The following CCSER1 variants were observed in gnomAD, a reference collection of about 807,000 sequenced individuals.
CCSER1 encodes the protein coiled-coil serine rich protein 1.
Under a neutral mutation model 82.0 loss-of-function variants are expected in CCSER1, and 41 were observed. That is an observed-to-expected ratio of 0.50 (90% CI 0.39 to 0.65). CCSER1 has a LOEUF of 0.65. Ranked by LOEUF, CCSER1 falls within the 30% of genes least tolerant of loss-of-function variation. CCSER1 has a pLI of 0.00. For missense variants in CCSER1, 1,119 were observed against 1,064.2 expected, an observed-to-expected ratio of 1.05 and a Z score of -0.72; for synonymous variants, 414 against 383.9, an observed-to-expected ratio of 1.08 and a Z score of -0.92.
At chr4:91,466,339 T>C (rs1479863206) in intron 10 of CCSER1, among the ~76,000 whole-genome samples, 1 of 152,164 alleles carries the variant, frequency 6.6e-6, no homozygotes, top group Non-Finnish European at 1.5e-5. Context: ...AATTAGGTAT[T>C]GATGGGACGT....
At chr4:90,974,169 T>G (rs1735382592) in intron 9 of CCSER1, among the ~76,000 whole-genome samples, 1 of 151,602 alleles carries the variant, frequency 6.6e-6, no homozygotes. Context: ...TTAACAATAC[T>G]GTATTGTATA....
chr4:91,107,429 G>A (rs943600420), intron 10 of CCSER1, among the ~76,000 whole-genome samples: 1 of 152,006 alleles, frequency 6.6e-6, no homozygotes, highest in Non-Finnish European at 1.5e-5. Context: ...TAATTTTTTT[G>A]TATTTTTAGT....
At position 91,317,281 on chromosome 4, in the gene CCSER1, T is replaced by C. The variant is rs142243776; in HGVS notation, c.2217+231287T>C. 2.3e-3 allele frequency among the ~76,000 whole-genome samples: 357 copies of C among 152,132 alleles called. 1 individual carries two copies. The highest frequency in any genetic ancestry group is 8.0e-3 in the African/African-American group (332 of 41,564). On this transcript the variant is annotated intron_variant, in intron 10 of 10. Transcript: ENST00000509176. ...CAGCAATACATTAGCCAGACTGGCC[T>C]GTTTGCTATTATTCCAACACATCCC...
chr4:90,235,282 A>C (rs534702918), intron 1 of CCSER1: 1 of 152,224 alleles, frequency 6.6e-6, no homozygotes, highest in African/African-American at 2.4e-5. Context: ...CATTACCTGT[A>C]GATCCTTTGC....
intron 1 of CCSER1, among the ~76,000 whole-genome samples, chr4:90,230,904 C>G (rs1394599777): frequency 1.3e-5 from 2 of 152,154 alleles, no homozygotes; most frequent in African/African-American, 4.8e-5. Flanking sequence ...CACATACACT[C>G]TCCCAAGACT....
intron 8 of CCSER1, among the ~76,000 whole-genome samples, chr4:90,883,719 G>C (rs763984038): frequency 6.6e-6 from 1 of 152,164 alleles, no homozygotes; most frequent in Non-Finnish European, 1.5e-5. Flanking sequence ...TTCTGTCACC[G>C]TGAGGTGCTT....
In CCSER1 at chr4:91,186,028, G is replaced by A. The variant is rs146934964; in HGVS notation, c.2217+100034G>A. On this transcript the variant is annotated intron_variant, in intron 10 of 10. Transcript: ENST00000509176. ...GGGGGGTGTATTCTAACATGGAACT[G>A]CCAAGCCTCTAAATCACCCTCTCGT... Among the ~76,000 whole-genome samples the A allele has an allele frequency of 2.1e-3, 321 of 152,238 alleles. 3 individuals are homozygous for A. The highest frequency in any genetic ancestry group is 7.5e-3 in the African/African-American group (312 of 41,532).
chr4:91,068,618 A>G (rs1194684084), intron 9 of CCSER1, among the ~76,000 whole-genome samples: 1 of 152,200 alleles, frequency 6.6e-6, no homozygotes, highest in Admixed American at 6.5e-5. Flanking sequence ...ATATGGATAT[A>G]CTGAAAGCAA....
intron 7 of CCSER1, among the ~76,000 whole-genome samples, chr4:90,749,921 G>C (rs1461599605): frequency 8.6e-5 from 13 of 151,844 alleles, no homozygotes; most frequent in Non-Finnish European, 1.5e-4. Flanking sequence ...GTGTAAAAGT[G>C]TTCCTATTTC....
At chr4:90,174,518 T>C (rs1005339742) in intron 1 of CCSER1, among the ~76,000 whole-genome samples, 6 of 151,968 alleles carry the variant, frequency 3.9e-5, no homozygotes, top group Non-Finnish European at 7.4e-5. Flanking sequence ...TATGTCTCAA[T>C]GCACAGATGG....
At chr4:90,570,167 A>C (rs1242687632) in intron 5 of CCSER1, among the ~76,000 whole-genome samples, 1 of 152,176 alleles carries the variant, frequency 6.6e-6, no homozygotes, top group Non-Finnish European at 1.5e-5. Context: ...GGAGCTGGGC[A>C]TCCCTCCCTT....
chr4:91,390,505 T>C (rs1313213818), intron 10 of CCSER1, among the ~76,000 whole-genome samples: 1 of 151,972 alleles, frequency 6.6e-6, no homozygotes, highest in Admixed American at 6.6e-5. Flanking sequence ...TTTAGTTTTT[T>C]CAATGCATTT....
At chr4:91,140,600 C>G (rs904795332) in intron 10 of CCSER1, among the ~76,000 whole-genome samples, 2 of 151,946 alleles carry the variant, frequency 1.3e-5, no homozygotes, top group African/African-American at 2.4e-5. Context: ...GAAATTTCTT[C>G]CATACAACCT....
Position 90,309,570 on chromosome 4 carries a change from A to T in CCSER1, c.1286A>T (p.Asn429Ile), listed in dbSNP as rs949338116. Residue 429 changes from asparagine (N) to isoleucine (I), a missense_variant, in exon 2 of 11, where the codon AAC becomes ATC. Physicochemically the swap from Asn to Ile is moderately radical, Grantham distance 149 (BLOSUM62 -3). Transcript: ENST00000509176. ...IPTSGDHHIFNKTSHGYEANP... is the reference protein window; with the variant it reads ...IPTSGDHHIFIKTSHGYEANP... Reference sequence around the variant, plus strand: ...ACTTCTGGTGATCATCATATTTTTAACAAAACATCACATGGATATGAAGCA... The same window carrying T: ...ACTTCTGGTGATCATCATATTTTTATCAAAACATCACATGGATATGAAGCA... The T allele has an allele frequency of 6.2e-7, 1 of 1,603,536 alleles. No homozygotes were observed. The highest frequency in any genetic ancestry group is 8.5e-7 in the Non-Finnish European group (1 of 1,176,458).
chr4:91,123,075 T>C (rs796607494), intron 10 of CCSER1, among the ~76,000 whole-genome samples: 1 of 151,756 alleles, frequency 6.6e-6, no homozygotes, highest in African/African-American at 2.4e-5. Context: ...TTTATTATGC[T>C]GCAATCATGC....
At position 90,761,864 on chromosome 4, in the gene CCSER1, G is replaced by C. The variant is rs141048513; in HGVS notation, c.2010+37873G>C. Among the ~76,000 whole-genome samples the C allele has an allele frequency of 3.0e-3, 462 of 152,168 alleles. 1 individual carries two copies. Among genetic ancestry groups the C allele is most frequent in the African/African-American group, 0.011 (445 of 41,540 alleles). ...GTGTTGCAAATGGCCAAAGTGAGAA[G>C]AGATGGCTCACACCAAGAGCATCAG... On this transcript the variant is annotated intron_variant, in intron 7 of 10. Transcript: ENST00000509176.
At chr4:90,725,921 A>T (rs1419534588) in intron 7 of CCSER1, among the ~76,000 whole-genome samples, 3 of 151,904 alleles carry the variant, frequency 2.0e-5, no homozygotes, top group African/African-American at 7.2e-5. Context: ...TGTCTTTTTC[A>T]CCTATTCCCC....
chr4:91,360,062 A>G (rs1028641211), intron 10 of CCSER1, among the ~76,000 whole-genome samples: 1 of 151,868 alleles, frequency 6.6e-6, no homozygotes, highest in Non-Finnish European at 1.5e-5. Context: ...AATCCAAGCT[A>G]TTTTTAAGGG....
At position 90,440,907 on chromosome 4, in the gene CCSER1, A is replaced by G. The variant is rs371243152; in HGVS notation, c.1604-27327A>G. ...AAAAGAAGACACTTGCCCTATTCTC[A>G]GAGAGCTTTAACTTTAAGAGCCAAT... On this transcript the variant is annotated intron_variant, in intron 4 of 10. Coordinates refer to ENST00000509176, the MANE Select transcript of CCSER1 (RefSeq NM_001145065.2). 1.6e-4 allele frequency among the ~76,000 whole-genome samples: 25 copies of G among 152,302 alleles called. No individual in the cohort carries two copies. In the East Asian group the frequency reaches 2.5e-3, roughly 15 times the overall value.
Sources: gnomAD v4.1 joint callset for allele counts (sites outside exome capture counted in the v4.1 genomes callset) on GRCh38, gnomAD v4.1.1 for gene constraint, MANE v1.5 for transcripts, NCBI Gene and HGNC (gene_info 2026-07-23, HGNC 2026-07-21) for gene names.